ST8SIA6: variants seen among roughly 807,000 people sequenced by gnomAD.
ST8SIA6 encodes alpha-2,8-sialyltransferase 8F.
A neutral mutation model predicts 33.6 loss-of-function variants in ST8SIA6; 39 were observed. That is an observed-to-expected ratio of 1.16 (90% CI 0.90 to 1.52). The LOEUF (loss-of-function observed/expected upper bound fraction) is 1.52. ST8SIA6 is among the 40% of genes most tolerant of loss of function. ST8SIA6 has a pLI of 0.00. For missense variants in ST8SIA6, 441 were observed against 443.8 expected, an observed-to-expected ratio of 0.99 and a Z score of 0.06; for synonymous variants, 172 against 167.2, an observed-to-expected ratio of 1.03 and a Z score of -0.22.
chr10:17,368,515 G>A (rs1849634081), intron 3 of ST8SIA6, among the ~76,000 whole-genome samples: 1 of 151,172 alleles, frequency 6.6e-6, no homozygotes, highest in African/African-American at 2.4e-5. Context: ...ATGTTAAAGT[G>A]CTAGGTACTT....
chr10:17,399,108 C>G (rs375880756), intron 2 of ST8SIA6: 107 of 152,316 alleles, frequency 7.0e-4, no homozygotes, highest in African/African-American at 2.5e-3. Flanking sequence ...TACTTAGGAA[C>G]TGACAAAATC....
chr10:17,436,652 T>G (rs941551827), intron 2 of ST8SIA6, among the ~76,000 whole-genome samples: 1 of 151,704 alleles, frequency 6.6e-6, no homozygotes, highest in Admixed American at 6.6e-5. Context: ...GATAGTTTGC[T>G]GAGAATGATG....
intron 3 of ST8SIA6, among the ~76,000 whole-genome samples, chr10:17,367,971 CT>C (rs1289564550): frequency 2.0e-5 from 3 of 152,182 alleles, no homozygotes; most frequent in Admixed American, 6.5e-5. Context: ...TGCACCACCC[CT>C]ATATCTATTA....
intron 2 of ST8SIA6, chr10:17,407,842 A>G (rs1048274810): frequency 6.6e-6 from 1 of 152,248 alleles, no homozygotes; most frequent in African/African-American, 2.4e-5. Flanking sequence ...CTTCACACAC[A>G]AGAAATGTTG....
intron 2 of ST8SIA6, among the ~76,000 whole-genome samples, chr10:17,396,588 A>G (rs182723333): frequency 6.6e-6 from 1 of 152,214 alleles, no homozygotes; most frequent in East Asian, 1.9e-4. Context: ...CTCCCCTCTC[A>G]CAAAAGAATA....
intron 3 of ST8SIA6, among the ~76,000 whole-genome samples, chr10:17,380,826 T>G (rs1850111519): frequency 7.1e-6 from 1 of 141,788 alleles, no homozygotes; most frequent in African/African-American, 2.6e-5. Flanking sequence ...TGTACGTTTG[T>G]GTGTTTGTAT....
At chr10:17,321,923 C>A (rs1847962466) in intron 7 of ST8SIA6, among the ~76,000 whole-genome samples, 1 of 151,984 alleles carries the variant, frequency 6.6e-6, no homozygotes, top group Non-Finnish European at 1.5e-5. Context: ...CAGTGAGACC[C>A]CGCCCCACAT....
rs376067939 is a variant in ST8SIA6 at position 17,384,334 on chromosome 10, A to G, written c.290+6197T>C. ...CTGGGCTTGGCTTTTAAAAAGTCTT[A>G]TCTGAGATTGCTTCTATGGAACAGA... On this transcript the variant is annotated intron_variant, in intron 3 of 7. Transcript: ENST00000377602. Among the ~76,000 whole-genome samples the G allele has an allele frequency of 4.6e-5, 7 of 152,340 alleles. No homozygotes were observed. In the East Asian group the frequency reaches 1.2e-3, roughly 25 times the overall value.
At chr10:17,445,239 T>C (rs1425989509) in intron 2 of ST8SIA6, among the ~76,000 whole-genome samples, 1 of 152,178 alleles carries the variant, frequency 6.6e-6, no homozygotes, top group East Asian at 1.9e-4. Context: ...TATTACAACT[T>C]TCAATATAAG....
At chr10:17,330,983 A>G (rs539262216) in intron 5 of ST8SIA6, among the ~76,000 whole-genome samples, 1 of 152,346 alleles carries the variant, frequency 6.6e-6, no homozygotes, top group East Asian at 1.9e-4. Flanking sequence ...ACGTTTATTG[A>G]CTATAAATTC....
At chr10:17,362,256 A>G (rs750893403) in intron 3 of ST8SIA6, among the ~76,000 whole-genome samples, 1 of 152,236 alleles carries the variant, frequency 6.6e-6, no homozygotes, top group Non-Finnish European at 1.5e-5. Flanking sequence ...TGATTGTAGA[A>G]ATGATGTATA....
intron 4 of ST8SIA6, among the ~76,000 whole-genome samples, chr10:17,358,569 T>G (rs1849271029): frequency 7.3e-6 from 1 of 137,098 alleles, no homozygotes. Flanking sequence ...AAAATCAGAA[T>G]GTGGAAAAGG....
chr10:17,410,804 T>C (rs549931185), intron 2 of ST8SIA6, among the ~76,000 whole-genome samples: 42 of 152,340 alleles, frequency 2.8e-4, no homozygotes, highest in Non-Finnish European at 5.7e-4. Flanking sequence ...AAGATTTAAT[T>C]AACTAGAAAA....
chr10:17,327,380 T>C (rs1442412517), intron 5 of ST8SIA6, among the ~76,000 whole-genome samples: 1 of 145,304 alleles, frequency 6.9e-6, no homozygotes, highest in East Asian at 2.1e-4. Context: ...AGGTCAGGAG[T>C]TCAACACCAG....
In ST8SIA6 at chr10:17,333,717, A is replaced by ATTTTTTTT. The variant is rs71392102; in HGVS notation, c.378-2173_378-2166dup. 3.2e-3 allele frequency among the ~76,000 whole-genome samples: 108 copies of ATTTTTTTT among 33,770 alleles called. 19 individuals carry two copies. The highest frequency in any genetic ancestry group is 0.012 in the South Asian group (6 of 518). 22.2% of individuals were successfully genotyped at this position (33,770 alleles called of 152,430 possible). A position where few individuals can be genotyped will look rare whatever the true frequency, so the allele number is the denominator to read the frequency against. Reference sequence around the variant, plus strand: ...TATATATATATATATATATATATATATTTTTTTTTTTTTTTTTTTTTTTTG... The same window carrying ATTTTTTTT: ...TATATATATATATATATATATATATATTTTTTTTTTTTTTTTTTTTTTTTTTTTTTTTG... On this transcript the variant is annotated intron_variant, in intron 4 of 7. Coordinates refer to ENST00000377602, the MANE Select transcript of ST8SIA6 (RefSeq NM_001004470.3).
chr10:17,358,208 A>G (rs978044051), intron 4 of ST8SIA6, among the ~76,000 whole-genome samples: 1 of 152,112 alleles, frequency 6.6e-6, no homozygotes, highest in East Asian at 1.9e-4. Context: ...ACCACCAGGA[A>G]GGCACTCTTT....
chr10:17,369,833 A>G (rs1157960964), intron 3 of ST8SIA6, among the ~76,000 whole-genome samples: 1 of 152,202 alleles, frequency 6.6e-6, no homozygotes, highest in Non-Finnish European at 1.5e-5. Flanking sequence ...TCTGTCTGAT[A>G]TCAGTAGAGC....
chr10:17,349,171 G>T (rs186736457), intron 4 of ST8SIA6, among the ~76,000 whole-genome samples: 15 of 152,288 alleles, frequency 9.8e-5, no homozygotes. Context: ...AAAGACCAAA[G>T]AAAGTTCAAA....
At chr10:17,328,732 C>T (rs1848210680) in intron 5 of ST8SIA6, among the ~76,000 whole-genome samples, 1 of 152,240 alleles carries the variant, frequency 6.6e-6, no homozygotes, top group Admixed American at 6.5e-5. Flanking sequence ...CACCTTCTCA[C>T]TAGGTGGCTC....
Sources: allele counts gnomAD v4.1 joint callset (sites outside exome capture counted in the v4.1 genomes callset), GRCh38; gene constraint gnomAD v4.1.1; transcripts MANE v1.5; gene names NCBI Gene and HGNC (gene_info 2026-07-23, HGNC 2026-07-21).